Variants in ENOX1 observed in about 807,000 individuals in gnomAD.
The protein encoded by ENOX1 is ecto-NOX disulfide-thiol exchanger 1.
A neutral mutation model predicts 82.5 loss-of-function variants in ENOX1; 42 were observed. The ratio of observed to expected loss-of-function variants is 0.51; its 90% CI spans 0.40 to 0.66. The LOEUF (loss-of-function observed/expected upper bound fraction) is 0.66. ENOX1 is among the 30% of genes least tolerant of loss of function. The pLI is 0.00. For missense variants in ENOX1, 608 were observed against 811.6 expected (o/e 0.75, Z 3.05); for synonymous variants, 271 against 282.2 (o/e 0.96, Z 0.40).
intron 8 of ENOX1, among the ~76,000 whole-genome samples, chr13:43,345,464 T>C (rs916823662): frequency 6.6e-6 from 1 of 151,622 alleles, no homozygotes; most frequent in Non-Finnish European, 1.5e-5. Flanking sequence ...TGTATGTGCA[T>C]GGTGTGGCGG....
intron 16 of ENOX1, among the ~76,000 whole-genome samples, chr13:43,219,877 C>T (rs890177089): frequency 2.0e-5 from 3 of 152,210 alleles, no homozygotes; most frequent in African/African-American, 4.8e-5. Context: ...GAAAAGACGC[C>T]GGCAGAGGCC....
At chr13:43,581,122 A>ATTTTTT (rs1351057664) in intron 2 of ENOX1, among the ~76,000 whole-genome samples, 11 of 85,074 alleles carry the variant, frequency 1.3e-4, no homozygotes, top group Admixed American at 3.5e-4. Flanking sequence ...GCACTACCTG[A>ATTTTTT]TTCTTTTTTT....
At chr13:43,245,809 G>A (rs2043053503) in intron 14 of ENOX1, among the ~76,000 whole-genome samples, 1 of 152,218 alleles carries the variant, frequency 6.6e-6, no homozygotes, top group South Asian at 2.1e-4. Context: ...GATTCATCAT[G>A]ATGTGACCAT....
intron 2 of ENOX1, among the ~76,000 whole-genome samples, chr13:43,522,238 T>C (rs972572103): frequency 6.6e-6 from 1 of 152,164 alleles, no homozygotes; most frequent in Non-Finnish European, 1.5e-5. Context: ...TCTAGATTAC[T>C]AGGGAACAGA....
intron 2 of ENOX1, among the ~76,000 whole-genome samples, chr13:43,536,601 G>A (rs904035836): frequency 3.3e-5 from 5 of 151,922 alleles, no homozygotes; most frequent in Non-Finnish European, 5.9e-5. Flanking sequence ...GCTTCTTTAA[G>A]AAAAATATAC....
intron 2 of ENOX1, among the ~76,000 whole-genome samples, chr13:43,613,788 G>C (rs537367343): frequency 1.3e-5 from 2 of 151,958 alleles, no homozygotes; most frequent in Admixed American, 1.3e-4. Context: ...AAAATTAGCC[G>C]GGCATGGTGG....
At chr13:43,721,376 C>CTTTTTTTT (rs761888585) in intron 1 of ENOX1, among the ~76,000 whole-genome samples, 3 of 107,620 alleles carry the variant, frequency 2.8e-5, no homozygotes, top group East Asian at 2.8e-4. Context: ...TATTTTATAT[C>CTTTTTTTT]TTTTTTTTTT....
At chr13:43,513,629 C>T (rs1470296620) in intron 2 of ENOX1, among the ~76,000 whole-genome samples, 1 of 152,102 alleles carries the variant, frequency 6.6e-6, no homozygotes, top group Non-Finnish European at 1.5e-5. Flanking sequence ...TATATCTATT[C>T]CACAAGGAAA....
intron 1 of ENOX1, among the ~76,000 whole-genome samples, chr13:43,765,099 C>G (rs569440817): frequency 5.0e-4 from 76 of 152,334 alleles, no homozygotes; most frequent in African/African-American, 1.8e-3. Context: ...CAAGCTACAC[C>G]TCTAGCTTAA....
chr13:43,413,922 T>C (rs1037666669), intron 3 of ENOX1, among the ~76,000 whole-genome samples: 2 of 151,862 alleles, frequency 1.3e-5, no homozygotes, highest in East Asian at 3.8e-4. Flanking sequence ...ATGAGTGGCA[T>C]GACAAGTTTG....
intron 1 of ENOX1, among the ~76,000 whole-genome samples, chr13:43,714,022 A>G (rs2087924788): frequency 7.3e-6 from 1 of 137,698 alleles, no homozygotes; most frequent in African/African-American, 2.8e-5. Context: ...TCAATTTTGG[A>G]TCTTTCCTGC....
At chr13:43,456,221 C>T (rs999846696) in intron 3 of ENOX1, among the ~76,000 whole-genome samples, 7 of 151,962 alleles carry the variant, frequency 4.6e-5, no homozygotes, top group African/African-American at 1.4e-4. Context: ...CTTCTCTGAG[C>T]TCCTTTAGCC....
intron 3 of ENOX1, among the ~76,000 whole-genome samples, chr13:43,433,031 AGGTCTGG>A: frequency 1.3e-5 from 2 of 152,228 alleles, no homozygotes; most frequent in South Asian, 4.1e-4. Flanking sequence ...TGCATGTCTG[AGGTCTGG>A]GGCTATCTCT....
At chr13:43,411,874 C>A in intron 5 of ENOX1, 42 bp downstream of exon 5, 1 of 1,611,688 alleles carries the variant, frequency 6.2e-7, no homozygotes, top group Non-Finnish European at 8.5e-7. Context: ...CTACACCCTT[C>A]GGCACTGCTG....
intron 2 of ENOX1, among the ~76,000 whole-genome samples, chr13:43,636,080 G>A (rs1218009517): frequency 6.6e-6 from 1 of 152,120 alleles, no homozygotes; most frequent in African/African-American, 2.4e-5. Flanking sequence ...AGAGAGTTCT[G>A]TCCTACACCA....
intron 2 of ENOX1, among the ~76,000 whole-genome samples, chr13:43,657,631 T>C (rs1184923267): frequency 6.6e-6 from 1 of 152,180 alleles, no homozygotes; most frequent in East Asian, 1.9e-4. Flanking sequence ...ATTCCAGGTA[T>C]AGAAGGCACA....
chr13:43,662,976 G>T (rs950251098), intron 2 of ENOX1, among the ~76,000 whole-genome samples: 2 of 152,204 alleles, frequency 1.3e-5, no homozygotes, highest in Non-Finnish European at 2.9e-5. Context: ...TTTCAGTGAG[G>T]TCTTAAAGGA....
At chr13:43,672,084 C>T (rs2085295980) in intron 1 of ENOX1, among the ~76,000 whole-genome samples, 1 of 152,098 alleles carries the variant, frequency 6.6e-6, no homozygotes. Flanking sequence ...TCTTTAGAAA[C>T]CTACCCAATC....
chr13:43,238,548 G>A (rs1430601202), intron 14 of ENOX1, among the ~76,000 whole-genome samples: 2 of 152,098 alleles, frequency 1.3e-5, no homozygotes, highest in Non-Finnish European at 2.9e-5. Flanking sequence ...GGTCCCACAG[G>A]GACATGGCAG....
Sources: allele counts gnomAD v4.1 joint callset (sites outside exome capture counted in the v4.1 genomes callset), GRCh38; gene constraint gnomAD v4.1.1; transcripts MANE v1.5; gene names NCBI Gene and HGNC (gene_info 2026-07-23, HGNC 2026-07-21).